The following HDAC9 variants were observed in gnomAD, a reference collection of about 807,000 sequenced individuals.
HDAC9 encodes the protein histone deacetylase 9, also known as MEF-2 interacting transcription repressor (MITR) protein.
Under a neutral mutation model 139.4 loss-of-function variants are expected in HDAC9, and 41 were observed. The observed-to-expected ratio is 0.29, with a 90% CI of 0.23 to 0.38. The LOEUF is 0.38. Among genes scored for constraint, HDAC9 ranks in the 10% least tolerant of loss-of-function variants. The probability of loss-of-function intolerance (pLI) is 1.00; values close to 1 mark genes in which losing one functional copy is unlikely to be tolerated. For missense variants in HDAC9, 1,147 were observed against 1,297.0 expected, an observed-to-expected ratio of 0.88 and a Z score of 1.78; for synonymous variants, 517 against 476.2, an observed-to-expected ratio of 1.09 and a Z score of -1.12.
At chr7:18,742,238 G>A (rs1787526132) in intron 13 of HDAC9, among the ~76,000 whole-genome samples, 1 of 152,160 alleles carries the variant, frequency 6.6e-6, no homozygotes, top group African/African-American at 2.4e-5. Context: ...CATGGATGTT[G>A]CAAACTTCAT....
At chr7:18,437,654 G>A (rs1280719953) in intron 1 of HDAC9, among the ~76,000 whole-genome samples, 1 of 151,314 alleles carries the variant, frequency 6.6e-6, no homozygotes, top group African/African-American at 2.4e-5. Flanking sequence ...TTGGTACTAT[G>A]CAGTGTTCGA....
intron 2 of HDAC9, among the ~76,000 whole-genome samples, chr7:18,583,347 A>C (rs1285699286): frequency 6.6e-6 from 1 of 152,172 alleles, no homozygotes; most frequent in African/African-American, 2.4e-5. Flanking sequence ...GAGTCAAATA[A>C]GCATTTAGAT....
At chr7:18,658,769 C>G (rs1215578916) in intron 11 of HDAC9, among the ~76,000 whole-genome samples, 1 of 151,622 alleles carries the variant, frequency 6.6e-6, no homozygotes, top group Non-Finnish European at 1.5e-5. Flanking sequence ...ACAGTTGGTC[C>G]ATACCTAATC....
intron 1 of HDAC9, among the ~76,000 whole-genome samples, chr7:18,464,387 T>C (rs1335529109): frequency 6.6e-6 from 1 of 152,014 alleles, no homozygotes. Flanking sequence ...CTTAAAAAGT[T>C]CTCAAAGTCA....
intron 17 of HDAC9, among the ~76,000 whole-genome samples, chr7:18,810,724 T>G (rs561848556): frequency 1.3e-5 from 2 of 152,030 alleles, no homozygotes; most frequent in South Asian, 4.1e-4. Context: ...TTCATCATAA[T>G]CTATTTGTTC....
chr7:18,896,154 T>C (rs1801180696), intron 22 of HDAC9, among the ~76,000 whole-genome samples: 1 of 152,088 alleles, frequency 6.6e-6, no homozygotes, highest in Admixed American at 6.6e-5. Flanking sequence ...CGTTTAAATG[T>C]AAATTTTATT....
At chr7:18,219,806 G>T (rs1315574879) in intron 2 of HDAC9, among the ~76,000 whole-genome samples, 1 of 152,166 alleles carries the variant, frequency 6.6e-6, no homozygotes. Flanking sequence ...TTTTAAATTT[G>T]AAAGTTGTTA....
intron 2 of HDAC9, among the ~76,000 whole-genome samples, chr7:18,251,408 C>T (rs1316647649): frequency 6.6e-6 from 1 of 152,032 alleles, no homozygotes; most frequent in African/African-American, 2.4e-5. Context: ...CTAATGGATT[C>T]TGGGCTTAAT....
At chr7:18,759,699 G>C (rs1206538241) in intron 14 of HDAC9, among the ~76,000 whole-genome samples, 1 of 152,158 alleles carries the variant, frequency 6.6e-6, no homozygotes, top group African/African-American at 2.4e-5. Flanking sequence ...GTGCCAAAAA[G>C]ATTGGAAACC....
chr7:18,339,915 T>C (rs1409549362), intron 1 of HDAC9, among the ~76,000 whole-genome samples: 1 of 151,514 alleles, frequency 6.6e-6, no homozygotes, highest in East Asian at 1.9e-4. Flanking sequence ...AGTATGTTGA[T>C]AGTGGTATTT....
chr7:18,820,322 T>C (rs558518923), intron 17 of HDAC9, among the ~76,000 whole-genome samples: 1 of 152,282 alleles, frequency 6.6e-6, no homozygotes, highest in Non-Finnish European at 1.5e-5. Flanking sequence ...TTGGTTCTAG[T>C]ATAATATAGA....
chr7:18,664,232 C>T (rs1794115738), intron 11 of HDAC9, among the ~76,000 whole-genome samples: 1 of 152,080 alleles, frequency 6.6e-6, no homozygotes, highest in African/African-American at 2.4e-5. Context: ...GTCATCTAAA[C>T]CATGAGTAAA....
intron 23 of HDAC9, among the ~76,000 whole-genome samples, chr7:18,952,996 G>A (rs1373750340): frequency 3.3e-5 from 5 of 151,978 alleles, no homozygotes; most frequent in Non-Finnish European, 7.4e-5. Flanking sequence ...AGGTGCTATT[G>A]TTGTAGATTT....
intron 12 of HDAC9, among the ~76,000 whole-genome samples, chr7:18,674,199 G>A (rs1795829503): frequency 6.6e-6 from 1 of 151,868 alleles, no homozygotes; most frequent in Non-Finnish European, 1.5e-5. Context: ...AGCTACTAGT[G>A]AACAGTAAAA....
At chr7:18,309,090 G>T (rs552515477) in intron 1 of HDAC9, among the ~76,000 whole-genome samples, 36 of 152,272 alleles carry the variant, frequency 2.4e-4, no homozygotes, top group African/African-American at 8.7e-4. Context: ...ATGCATAATT[G>T]TGAGTTTACT....
At chr7:18,426,415 A>G (rs981650648) in intron 1 of HDAC9, among the ~76,000 whole-genome samples, 17 of 152,232 alleles carry the variant, frequency 1.1e-4, no homozygotes, top group Admixed American at 2.0e-4. Context: ...AATAACAATG[A>G]TACTTAATAT....
At chr7:18,436,404 G>A (rs1438743918) in intron 1 of HDAC9, among the ~76,000 whole-genome samples, 4 of 152,126 alleles carry the variant, frequency 2.6e-5, no homozygotes, top group Non-Finnish European at 5.9e-5. Flanking sequence ...TAATGGTAAG[G>A]TAAATGGGAA....
chr7:18,727,780 T>A, intron 13 of HDAC9, 23 bp downstream of exon 13: 1 of 1,462,584 alleles, frequency 6.8e-7, no homozygotes, highest in Non-Finnish European at 9.0e-7. Flanking sequence ...AAAGACTCTC[T>A]CTAATAGGCA....
chr7:18,676,178 A>G (rs552970153), intron 12 of HDAC9, among the ~76,000 whole-genome samples: 90 of 152,070 alleles, frequency 5.9e-4, no homozygotes, highest in Non-Finnish European at 1.1e-3. Context: ...TTCTCTTGTC[A>G]TATTTGCACT....
Sources: allele counts gnomAD v4.1 joint callset (sites outside exome capture counted in the v4.1 genomes callset), GRCh38; gene constraint gnomAD v4.1.1; transcripts MANE v1.5; gene names NCBI Gene and HGNC (gene_info 2026-07-23, HGNC 2026-07-21).